Variants in CADM2 observed in about 807,000 individuals in gnomAD.
The protein encoded by CADM2 is cell adhesion molecule 2, also known as immunoglobulin superfamily member 4D.
CADM2 carries 12 observed loss-of-function variants against 49.8 expected under a neutral mutation model. The observed-to-expected ratio is 0.24, with a 90% CI of 0.15 to 0.39. CADM2 has a LOEUF of 0.39. Among genes scored for constraint, CADM2 ranks in the 10% least tolerant of loss-of-function variants. The probability of loss-of-function intolerance (pLI) is 1.00; values close to 1 mark genes in which losing one functional copy is unlikely to be tolerated. For missense variants in CADM2, 378 were observed against 492.3 expected (o/e 0.77, Z 2.20); for synonymous variants, 214 against 175.4 (o/e 1.22, Z -1.74).
At chr3:85,570,946 AT>A (rs929730218) in intron 1 of CADM2, among the ~76,000 whole-genome samples, 6 of 151,946 alleles carry the variant, frequency 3.9e-5, no homozygotes, top group Admixed American at 1.3e-4. Context: ...GAACTACCTG[AT>A]TTTTTTTCAT....
intron 1 of CADM2, among the ~76,000 whole-genome samples, chr3:85,308,776 C>T (rs2044275990): frequency 6.6e-6 from 1 of 151,950 alleles, no homozygotes; most frequent in South Asian, 2.1e-4. Flanking sequence ...TATGTATTTT[C>T]TCAGTAATTT....
At chr3:85,268,975 A>G (rs1164805867) in intron 1 of CADM2, among the ~76,000 whole-genome samples, 1 of 151,420 alleles carries the variant, frequency 6.6e-6, no homozygotes, top group Non-Finnish European at 1.5e-5. Flanking sequence ...ATGAAACAAA[A>G]TTGCTATCTA....
chr3:85,903,676 C>T (rs1716427774), intron 5 of CADM2, among the ~76,000 whole-genome samples: 1 of 152,062 alleles, frequency 6.6e-6, no homozygotes. Flanking sequence ...CAGGCTTTGG[C>T]ACGTGCACAG....
chr3:86,012,520 G>A, intron 8 of CADM2: 2 of 1,313,192 alleles, frequency 1.5e-6, no homozygotes, highest in Non-Finnish European at 2.1e-6. Context: ...CCCTGAGGAG[G>A]CCGGGAGCGG....
intron 1 of CADM2, among the ~76,000 whole-genome samples, chr3:85,267,412 C>T (rs1404917508): frequency 1.3e-5 from 2 of 151,638 alleles, no homozygotes; most frequent in African/African-American, 4.8e-5. Flanking sequence ...CTCCTTTGAA[C>T]TCTCCATGTC....
At chr3:85,023,796 G>A (rs747407687) in intron 1 of CADM2, among the ~76,000 whole-genome samples, 19 of 151,742 alleles carry the variant, frequency 1.3e-4, no homozygotes, top group Non-Finnish European at 2.7e-4. Context: ...TTAGTGTTCT[G>A]TGCTTTAAAA....
At chr3:85,873,232 A>G (rs2108359555) in intron 3 of CADM2, among the ~76,000 whole-genome samples, 1 of 152,348 alleles carries the variant, frequency 6.6e-6, no homozygotes, top group African/African-American at 2.4e-5. Flanking sequence ...CATTCAAACC[A>G]TAGCATTAAC....
At chr3:86,002,194 A>G (rs1024515144) in intron 8 of CADM2, among the ~76,000 whole-genome samples, 6 of 152,112 alleles carry the variant, frequency 3.9e-5, no homozygotes, top group Non-Finnish European at 7.4e-5. Context: ...GATAGGGTGT[A>G]TTTTATCAAG....
At chr3:85,600,385 C>G (rs2063356460) in intron 1 of CADM2, among the ~76,000 whole-genome samples, 1 of 151,912 alleles carries the variant, frequency 6.6e-6, no homozygotes, top group African/African-American at 2.4e-5. Context: ...ACTTTGCCTG[C>G]CTGCAATAGA....
intron 1 of CADM2, among the ~76,000 whole-genome samples, chr3:85,155,213 C>G (rs1254010274): frequency 6.7e-6 from 1 of 149,766 alleles, no homozygotes; most frequent in African/African-American, 2.5e-5. Flanking sequence ...TGCAGAGACA[C>G]ACATAGGCTC....
intron 3 of CADM2, among the ~76,000 whole-genome samples, chr3:85,826,989 G>C (rs2073945928): frequency 6.6e-6 from 1 of 151,834 alleles, no homozygotes; most frequent in Non-Finnish European, 1.5e-5. Flanking sequence ...AGTTCTTTGT[G>C]ATCCAGAAAT....
chr3:85,369,437 A>T (rs1352739660), intron 1 of CADM2, among the ~76,000 whole-genome samples: 1 of 152,160 alleles, frequency 6.6e-6, no homozygotes, highest in Non-Finnish European at 1.5e-5. Flanking sequence ...GTTTGAGACC[A>T]GCTTGGCCAA....
intron 1 of CADM2, among the ~76,000 whole-genome samples, chr3:85,634,905 A>G (rs931082402): frequency 4.6e-5 from 7 of 152,038 alleles, no homozygotes; most frequent in South Asian, 2.1e-4. Context: ...TTAAATGTGT[A>G]TATGTGCATA....
rs141560893 is a variant in CADM2, at chr3:85,505,616, C to T, written c.62-220906C>T. 1.4e-3 allele frequency among the ~76,000 whole-genome samples: 211 copies of T among 152,262 alleles called. 2 individuals carry two copies. The highest frequency in any genetic ancestry group is 5.0e-3 in the African/African-American group (206 of 41,546). ...GAGCTCTCCAGGCAGTTAGGGTATG[C>T]AACTAAGTCACAGAACCTTTGTCAT... On this transcript the variant is annotated intron_variant, in intron 1 of 9. Transcript: ENST00000383699.
chr3:85,490,018 GATC>G (rs1199492065), intron 1 of CADM2, among the ~76,000 whole-genome samples: 2 of 151,774 alleles, frequency 1.3e-5, no homozygotes, highest in Non-Finnish European at 2.9e-5. Flanking sequence ...TTGTTATTCT[GATC>G]ATAATTCTAC....
At chr3:85,501,752 TTCGTTTAATA>T (rs2040126230) in intron 1 of CADM2, among the ~76,000 whole-genome samples, 1 of 152,188 alleles carries the variant, frequency 6.6e-6, no homozygotes, top group South Asian at 2.1e-4. Context: ...TATGTATATC[TTCGTTTAATA>T]CTTTGCCAGT....
chr3:85,628,670 TATACAC>T (rs1413522127), intron 1 of CADM2, among the ~76,000 whole-genome samples: 1 of 148,310 alleles, frequency 6.7e-6, no homozygotes, highest in East Asian at 2.0e-4. Flanking sequence ...TATGTGTATA[TATACAC>T]ATATATATAT....
At chr3:85,698,896 C>T (rs1239498409) in intron 1 of CADM2, among the ~76,000 whole-genome samples, 2 of 152,148 alleles carry the variant, frequency 1.3e-5, no homozygotes, top group African/African-American at 4.8e-5. Context: ...AACATTAACT[C>T]AAAGGTCCAC....
At chr3:85,379,702 C>G (rs73845471) in intron 1 of CADM2, among the ~76,000 whole-genome samples, 2,217 of 152,140 alleles carry the variant, frequency 0.015, 56 homozygotes, top group African/African-American at 0.05. Flanking sequence ...TCTGAATTCA[C>G]AGGATCAAGT....
Sources: allele counts gnomAD v4.1 joint callset (sites outside exome capture counted in the v4.1 genomes callset), GRCh38; gene constraint gnomAD v4.1.1; transcripts MANE v1.5; gene names NCBI Gene and HGNC (gene_info 2026-07-23, HGNC 2026-07-21).